Variants in UNC13C observed in about 807,000 individuals in gnomAD.
UNC13C encodes the protein unc-13 homolog C.
Under a neutral mutation model 245.4 loss-of-function variants are expected in UNC13C, and 174 were observed. The ratio of observed to expected loss-of-function variants is 0.71; its 90% CI spans 0.63 to 0.80. The LOEUF (loss-of-function observed/expected upper bound fraction) is 0.80. Ranked by LOEUF, UNC13C falls within the 30% of genes least tolerant of loss-of-function variation. The pLI is 0.00. For synonymous variants in UNC13C, 992 were observed against 895.1 expected (o/e 1.11, Z -1.93); for missense variants, 2,829 against 2,602.9 (o/e 1.09, Z -1.89).
intron 2 of UNC13C, among the ~76,000 whole-genome samples, chr15:54,079,400 G>C (rs1898815290): frequency 6.6e-6 from 1 of 151,718 alleles, no homozygotes; most frequent in Non-Finnish European, 1.5e-5. Flanking sequence ...TTTTTTTATG[G>C]ACAGTATAGT....
At position 54,340,426 on chromosome 15, in the gene UNC13C, T is replaced by A. The variant is rs182753350; in HGVS notation, c.4713+1937T>A. Among the ~76,000 whole-genome samples, 491 of 152,330 alleles carry A rather than the reference T, an allele frequency of 3.2e-3. 4 individuals carry two copies. The highest frequency in any genetic ancestry group is 2.3e-3 in the East Asian group (12 of 5,190). On this transcript the variant is annotated intron_variant, in intron 17 of 32. Transcript: ENST00000260323. The stretch of plus-strand genomic sequence containing the variant: ...AATTTTTATAGTTCGAGGTCTTAGA[T>A]TTAAGTTCCTTGACCTATCATGAGT...
At chr15:54,152,955 T>C (rs2032586404) in intron 4 of UNC13C, among the ~76,000 whole-genome samples, 1 of 152,188 alleles carries the variant, frequency 6.6e-6, no homozygotes, top group Non-Finnish European at 1.5e-5. Flanking sequence ...GAATACCTTA[T>C]TCCATGAAGG....
chr15:54,261,401 G>A (rs908355412), intron 8 of UNC13C, among the ~76,000 whole-genome samples: 1 of 152,156 alleles, frequency 6.6e-6, no homozygotes, highest in African/African-American at 2.4e-5. Flanking sequence ...ATAGGGCAAT[G>A]GAAAGTACTT....
chr15:54,044,064 TGTC>T (rs1896925590), intron 2 of UNC13C, among the ~76,000 whole-genome samples: 1 of 152,220 alleles, frequency 6.6e-6, no homozygotes, highest in Non-Finnish European at 1.5e-5. Flanking sequence ...CCATGTTTAT[TGTC>T]GTCACTCTCT....
intron 18 of UNC13C, among the ~76,000 whole-genome samples, chr15:54,401,977 C>T (rs1025650356): frequency 6.6e-6 from 1 of 151,164 alleles, no homozygotes; most frequent in African/African-American, 2.4e-5. Context: ...ATTTTTGGAA[C>T]CAAAGTAGCA....
At chr15:54,365,560 T>C (rs1055830831) in intron 17 of UNC13C, among the ~76,000 whole-genome samples, 1 of 152,162 alleles carries the variant, frequency 6.6e-6, no homozygotes, top group African/African-American at 2.4e-5. Flanking sequence ...ATTTAACTAA[T>C]ATTCATAAGA....
chr15:54,111,122 A>G (rs1900747379), intron 2 of UNC13C, among the ~76,000 whole-genome samples: 1 of 152,200 alleles, frequency 6.6e-6, no homozygotes, highest in South Asian at 2.1e-4. Flanking sequence ...TAAATTAAAC[A>G]TAATTATTCT....
chr15:54,379,399 A>G (rs1451066832), intron 17 of UNC13C, among the ~76,000 whole-genome samples: 1 of 152,166 alleles, frequency 6.6e-6, no homozygotes, highest in Non-Finnish European at 1.5e-5. Context: ...CTCATGACTG[A>G]TACTGGCACC....
intron 4 of UNC13C, among the ~76,000 whole-genome samples, chr15:54,158,520 T>A (rs2032845764): frequency 6.6e-6 from 1 of 151,994 alleles, no homozygotes; most frequent in Admixed American, 6.6e-5. Context: ...GGGATTTCAC[T>A]ATGTTAGCTA....
At chr15:54,167,375 G>A (rs1595936408) in intron 4 of UNC13C, among the ~76,000 whole-genome samples, 1 of 151,172 alleles carries the variant, frequency 6.6e-6, no homozygotes. Flanking sequence ...GATGGTGGGC[G>A]CCTGTAGTCC....
At chr15:54,316,587 C>A (rs898105582) in intron 13 of UNC13C, among the ~76,000 whole-genome samples, 28 of 151,942 alleles carry the variant, frequency 1.8e-4, no homozygotes, top group Admixed American at 2.6e-4. Flanking sequence ...ATGACCGATT[C>A]CCCCAGCAGT....
intron 17 of UNC13C, among the ~76,000 whole-genome samples, chr15:54,378,381 T>A (rs2039651562): frequency 6.6e-6 from 1 of 152,128 alleles, no homozygotes; most frequent in Non-Finnish European, 1.5e-5. Context: ...TCTTTTTTAA[T>A]ACAAGTGTAA....
chr15:53,890,005 T>G, the UNC13C span, among the ~76,000 whole-genome samples: 1 of 152,210 alleles, frequency 6.6e-6, no homozygotes, highest in South Asian at 2.1e-4. Flanking sequence ...GATATTGATC[T>G]GAAATTTTCT....
chr15:54,603,699 C>T (rs1328890001), intron 30 of UNC13C, among the ~76,000 whole-genome samples: 1 of 152,002 alleles, frequency 6.6e-6, no homozygotes, highest in Admixed American at 6.6e-5. Flanking sequence ...CCCATCTCTA[C>T]AGAAAAATAC....
intron 2 of UNC13C, among the ~76,000 whole-genome samples, chr15:54,019,912 G>GGCCCC (rs1426018049): frequency 8.5e-5 from 13 of 152,152 alleles, no homozygotes; most frequent in Non-Finnish European, 1.3e-4. Context: ...TTGTGACTTG[G>GGCCCC]TGGTCCTACA....
At chr15:54,360,605 G>A (rs921558590) in intron 17 of UNC13C, among the ~76,000 whole-genome samples, 6 of 151,990 alleles carry the variant, frequency 3.9e-5, no homozygotes, top group African/African-American at 1.4e-4. Flanking sequence ...TATAAGCAAA[G>A]CTACTTTCAG....
chr15:54,288,990 C>G (rs1363354598), intron 10 of UNC13C, among the ~76,000 whole-genome samples: 1 of 152,066 alleles, frequency 6.6e-6, no homozygotes. Context: ...GACTCGAAGA[C>G]CTCTTAAAGG....
At chr15:54,058,512 A>G (rs1433144749) in intron 2 of UNC13C, among the ~76,000 whole-genome samples, 4 of 152,206 alleles carry the variant, frequency 2.6e-5, no homozygotes, top group Non-Finnish European at 4.4e-5. Context: ...ATGGACTCAC[A>G]GCCGAATTCT....
intron 19 of UNC13C, among the ~76,000 whole-genome samples, chr15:54,422,663 C>T (rs2040672461): frequency 6.6e-6 from 1 of 151,828 alleles, no homozygotes; most frequent in African/African-American, 2.4e-5. Flanking sequence ...GCCTATGAAG[C>T]TGTTTCCCTT....
Sources: allele counts gnomAD v4.1 joint callset (sites outside exome capture counted in the v4.1 genomes callset), GRCh38; gene constraint gnomAD v4.1.1; transcripts MANE v1.5; gene names NCBI Gene and HGNC (gene_info 2026-07-23, HGNC 2026-07-21).